The following AGBL4 variants were observed in gnomAD, a reference collection of about 807,000 sequenced individuals.
AGBL4 encodes AGBL carboxypeptidase 4.
A neutral mutation model predicts 66.4 loss-of-function variants in AGBL4; 58 were observed. The ratio of observed to expected loss-of-function variants is 0.87; its 90% CI spans 0.71 to 1.09. The LOEUF (loss-of-function observed/expected upper bound fraction) is 1.09, where lower values mean the gene tolerates loss of function less well. Ranked by LOEUF, AGBL4 falls within the 50% of genes least tolerant of loss-of-function variation. AGBL4 has a pLI of 0.00. For synonymous variants in AGBL4, 234 were observed against 222.9 expected, an observed-to-expected ratio of 1.05 and a Z score of -0.44; for missense variants, 579 against 631.0, an observed-to-expected ratio of 0.92 and a Z score of 0.88.
At chr1:48,563,449 T>A (rs775144330) in intron 11 of AGBL4, among the ~76,000 whole-genome samples, 6 of 151,484 alleles carry the variant, frequency 4.0e-5, no homozygotes, top group Non-Finnish European at 7.4e-5. Flanking sequence ...AGAGGCAGAA[T>A]GAAAATGGAG....
At chr1:48,653,280 C>T (rs1645961843) in intron 8 of AGBL4, 57 bp downstream of exon 8, 2 of 1,342,012 alleles carry the variant, frequency 1.5e-6, no homozygotes, top group African/African-American at 1.5e-5. Context: ...TTTTTTCTTG[C>T]TTCCATACTA....
At position 48,936,419 on chromosome 1, in the gene AGBL4, G is replaced by C. The variant is rs922288024; in HGVS notation, c.595-69189C>G. ...ATCCACAGGCCAGGCAAACCTTCAC[G>C]GAGATAATGTCTGAGACCAAAAGAG... On this transcript the variant is annotated intron_variant, in intron 5 of 13. Transcript: ENST00000371839. Among the ~76,000 whole-genome samples the C allele has an allele frequency of 2.0e-5, 3 of 152,110 alleles. No individual in the cohort carries two copies. The East Asian group carries it at 5.8e-4, about 29-fold the overall frequency.
rs55673573 is a variant in AGBL4 at position 49,085,262 on chromosome 1, TTCATCATCA to T, written c.378-39471_378-39463del. On this transcript the variant is annotated intron_variant, in intron 4 of 13. Transcript: ENST00000371839. ...TAGCTCTCGGATTTAGACTGGGACT[TTCATCATCA>T]TCATCATCATCATCATCATCATCAT... 1.6e-3 allele frequency among the ~76,000 whole-genome samples: 227 copies of T among 145,430 alleles called. 2 individuals carry two copies. The highest frequency in any genetic ancestry group is 8.4e-3 in the South Asian group (37 of 4,410).
At chr1:48,824,765 A>G (rs928737617) in intron 6 of AGBL4, among the ~76,000 whole-genome samples, 3 of 152,178 alleles carry the variant, frequency 2.0e-5, no homozygotes, top group Admixed American at 6.5e-5. Context: ...GATGACTTGG[A>G]GGTAGGCCAG....
chr1:49,815,951 C>T (rs1162504563), intron 2 of AGBL4, among the ~76,000 whole-genome samples: 6 of 152,030 alleles, frequency 3.9e-5, no homozygotes, highest in African/African-American at 1.5e-4. Context: ...ATTGCAATGA[C>T]AGGATCATGA....
At chr1:49,471,663 A>G (rs1433610576) in intron 3 of AGBL4, among the ~76,000 whole-genome samples, 1 of 151,936 alleles carries the variant, frequency 6.6e-6, no homozygotes, top group African/African-American at 2.4e-5. Context: ...AACAAACAAA[A>G]GCCAACAAAA....
intron 3 of AGBL4, among the ~76,000 whole-genome samples, chr1:49,248,172 G>C (rs1651789729): frequency 1.3e-5 from 2 of 152,146 alleles, no homozygotes. Flanking sequence ...AAATGAATAA[G>C]AAGATGTGGC....
chr1:49,784,311 C>G (rs904757210), intron 2 of AGBL4, among the ~76,000 whole-genome samples: 5 of 152,008 alleles, frequency 3.3e-5, no homozygotes, highest in African/African-American at 9.7e-5. Flanking sequence ...AACTGAGAGT[C>G]CAGAAATAAA....
At chr1:48,914,208 A>T (rs1456328274) in intron 5 of AGBL4, among the ~76,000 whole-genome samples, 1 of 152,232 alleles carries the variant, frequency 6.6e-6, no homozygotes, top group East Asian at 1.9e-4. Context: ...AGAATTGCTA[A>T]CAAAACTGAC....
intron 2 of AGBL4, among the ~76,000 whole-genome samples, chr1:49,701,867 GA>G (rs1371073684): frequency 6.6e-6 from 1 of 151,904 alleles, no homozygotes; most frequent in Non-Finnish European, 1.5e-5. Flanking sequence ...CGTTTTAACA[GA>G]AAAGCACTAT....
At chr1:49,115,643 T>C (rs1056329853) in intron 4 of AGBL4, among the ~76,000 whole-genome samples, 9 of 152,246 alleles carry the variant, frequency 5.9e-5, no homozygotes, top group African/African-American at 2.2e-4. Flanking sequence ...CGGTATACTC[T>C]ATATTTGGGC....
At chr1:49,321,275 T>C (rs1235640292) in intron 3 of AGBL4, among the ~76,000 whole-genome samples, 1 of 152,174 alleles carries the variant, frequency 6.6e-6, no homozygotes, top group Non-Finnish European at 1.5e-5. Context: ...GTTTCTGTTA[T>C]ACAGTAAGCA....
intron 4 of AGBL4, among the ~76,000 whole-genome samples, chr1:49,226,537 C>T (rs1649926551): frequency 6.6e-6 from 1 of 152,142 alleles, no homozygotes; most frequent in South Asian, 2.1e-4. Flanking sequence ...ATAGGTTTGA[C>T]TGCAGCTGGA....
intron 3 of AGBL4, among the ~76,000 whole-genome samples, chr1:49,391,776 T>A (rs1238386368): frequency 6.6e-6 from 1 of 152,060 alleles, no homozygotes; most frequent in East Asian, 1.9e-4. Context: ...TTAGCCAGGA[T>A]GGTCTTGATC....
intron 10 of AGBL4, among the ~76,000 whole-genome samples, chr1:48,588,520 T>C (rs1234653208): frequency 2.6e-5 from 4 of 152,144 alleles, no homozygotes; most frequent in African/African-American, 9.7e-5. Context: ...CCCCTGGAAA[T>C]TTAAGCAAAT....
chr1:49,447,531 A>G (rs775148287), intron 3 of AGBL4, among the ~76,000 whole-genome samples: 8 of 152,170 alleles, frequency 5.3e-5, no homozygotes, highest in Non-Finnish European at 1.2e-4. Context: ...GGCACCTGCC[A>G]CAGACACTTA....
chr1:48,534,223 CT>C lies in AGBL4; in HGVS notation c.1461del (p.Asp489ThrfsTer6). ...TGGTTCACTGAGCTCTTCTTGTCCC[CT>C]TTGCTGTTGGGGTAGTTGCTGGCTG... ...RGPASNYPNS[K>X]GDKKSSVNHK... On this transcript the variant is annotated frameshift_variant, in exon 14 of 14. Coordinates refer to ENST00000371839, the MANE Select transcript of AGBL4 (RefSeq NM_032785.4). LOFTEE classifies it high-confidence loss of function. 6.4e-7 allele frequency: 1 copy of C among 1,551,648 alleles called. No homozygotes were observed. Among genetic ancestry groups the C allele is most frequent in the Non-Finnish European group, 8.7e-7 (1 of 1,146,936 alleles).
intron 1 of AGBL4, among the ~76,000 whole-genome samples, chr1:49,872,332 C>G (rs1197535643): frequency 1.3e-5 from 2 of 151,890 alleles, no homozygotes; most frequent in Non-Finnish European, 2.9e-5. Flanking sequence ...AACCTATTTT[C>G]TTTTATAATA....
intron 6 of AGBL4, among the ~76,000 whole-genome samples, chr1:48,811,314 C>G (rs1646044229): frequency 1.3e-5 from 2 of 152,150 alleles, no homozygotes; most frequent in Non-Finnish European, 1.5e-5. Flanking sequence ...TTATCTGGGA[C>G]AGATTGGGGA....
Sources: gnomAD v4.1 joint callset for allele counts (sites outside exome capture counted in the v4.1 genomes callset) on GRCh38, gnomAD v4.1.1 for gene constraint, MANE v1.5 for transcripts, NCBI Gene and HGNC (gene_info 2026-07-23, HGNC 2026-07-21) for gene names.